Variants in CTNNA2 observed in about 807,000 individuals in gnomAD.
CTNNA2 encodes catenin alpha-2.
CTNNA2 carries 42 observed loss-of-function variants against 101.0 expected under a neutral mutation model. That is an observed-to-expected ratio of 0.42 (90% CI 0.32 to 0.54). The LOEUF is 0.54. Among genes scored for constraint, CTNNA2 ranks in the 20% least tolerant of loss-of-function variants. The pLI is 0.14. For synonymous variants in CTNNA2, 450 were observed against 456.4 expected (o/e 0.99, Z 0.18); for missense variants, 871 against 1,223.1 (o/e 0.71, Z 4.29).
intron 1 of CTNNA2, among the ~76,000 whole-genome samples, chr2:79,642,742 A>G (rs954162810): frequency 6.6e-6 from 1 of 150,558 alleles, no homozygotes; most frequent in African/African-American, 2.4e-5. Context: ...TTTACTCTCT[A>G]GGGCTATGTA....
chr2:79,696,647 G>T (rs907014995), intron 2 of CTNNA2, among the ~76,000 whole-genome samples: 2 of 151,932 alleles, frequency 1.3e-5, no homozygotes, highest in African/African-American at 2.4e-5. Flanking sequence ...TCCTTCTTCC[G>T]CAGTACTCCC....
At chr2:79,829,400 CACACACACACACACAGACACAA>C (rs1678704383) in intron 3 of CTNNA2, among the ~76,000 whole-genome samples, 1 of 145,564 alleles carries the variant, frequency 6.9e-6, no homozygotes, top group African/African-American at 2.7e-5. Flanking sequence ...CACACACACA[CACACACACACACACAGACACAA>C]AGCCGGGCGA....
intron 2 of CTNNA2, among the ~76,000 whole-genome samples, chr2:79,205,869 G>C (rs1437697483): frequency 6.6e-6 from 1 of 152,130 alleles, no homozygotes; most frequent in African/African-American, 2.4e-5. Context: ...ATGAAAACTG[G>C]TTCAGGGAGA....
chr2:79,381,445 T>C (rs1054762499), intron 4 of CTNNA2, among the ~76,000 whole-genome samples: 2 of 152,228 alleles, frequency 1.3e-5, no homozygotes, highest in African/African-American at 4.8e-5. Context: ...TATTTGCATC[T>C]TCATAGTTTT....
Position 80,118,965 on chromosome 2 carries a change from A to G in CTNNA2, c.1056+209168A>G, listed in dbSNP as rs74756864. Among the ~76,000 whole-genome samples the G allele has an allele frequency of 4.6e-3, 698 of 152,308 alleles. 3 individuals are homozygous for G. The highest frequency in any genetic ancestry group is 0.016 in the African/African-American group (645 of 41,578). ...ATTGTCTACTTCTCAGGGTATATCA[A>G]AGGTAAAAACTGAGTTAAATGTGGA... On this transcript the variant is annotated intron_variant, in intron 7 of 18. Transcript: ENST00000402739.
intron 2 of CTNNA2, among the ~76,000 whole-genome samples, chr2:79,725,390 A>C (rs1472963994): frequency 6.6e-6 from 1 of 152,202 alleles, no homozygotes; most frequent in Non-Finnish European, 1.5e-5. Flanking sequence ...TGTTCAAGAC[A>C]GTTGTGCAAA....
intron 7 of CTNNA2, among the ~76,000 whole-genome samples, chr2:80,143,470 A>T (rs999493741): frequency 6.6e-6 from 1 of 152,126 alleles, no homozygotes; most frequent in Non-Finnish European, 1.5e-5. Context: ...GCTATTTTGA[A>T]ACAGGCAGTA....
intron 12 of CTNNA2, among the ~76,000 whole-genome samples, chr2:80,556,533 G>A (rs1425059989): frequency 2.6e-5 from 4 of 152,120 alleles, no homozygotes; most frequent in African/African-American, 7.2e-5. Flanking sequence ...CACTGCTATG[G>A]TCAGGTATGG....
At chr2:79,623,633 T>C (rs1411655541) in intron 1 of CTNNA2, among the ~76,000 whole-genome samples, 3 of 152,186 alleles carry the variant, frequency 2.0e-5, no homozygotes, top group Non-Finnish European at 1.5e-5. Context: ...GGGAAAATTA[T>C]TCAAATTGTT....
chr2:79,868,166 G>C (rs1249662689), intron 4 of CTNNA2, among the ~76,000 whole-genome samples: 1 of 152,068 alleles, frequency 6.6e-6, no homozygotes, highest in Non-Finnish European at 1.5e-5. Context: ...AATTGGGAAT[G>C]ACTAACATTG....
Position 79,766,358 on chromosome 2 carries a change from C to A in CTNNA2, c.298+21776C>A, listed in dbSNP as rs562771014. On this transcript the variant is annotated intron_variant, in intron 3 of 18. Transcript: ENST00000402739. ...CTTTAAACATGCCATGCCAGTCTCT[C>A]CTGGCTTGTAAGGTTTCCACTGAAA... Among the ~76,000 whole-genome samples the A allele has an allele frequency of 5.9e-5, 9 of 152,328 alleles. No individual in the cohort carries two copies. The East Asian group carries it at 1.4e-3, about 23-fold the overall frequency.
At chr2:80,033,612 C>T (rs756278849) in intron 7 of CTNNA2, among the ~76,000 whole-genome samples, 3 of 152,018 alleles carry the variant, frequency 2.0e-5, no homozygotes, top group African/African-American at 7.3e-5. Context: ...TCACCAAATT[C>T]GTAGAATCAG....
rs138712455 is a variant in CTNNA2 at position 80,577,764 on chromosome 2, T to G, written c.1893+3450T>G. On this transcript the variant is annotated intron_variant, in intron 13 of 18. Coordinates refer to ENST00000402739, the MANE Select transcript of CTNNA2 (RefSeq NM_001282597.3). ...TAGTCTGCAGCCCATTCCAGTGGTG[T>G]TGAGCTCTGTTGGGAAATCCTACCT... Among the ~76,000 whole-genome samples, 177 of 134,006 alleles carry G rather than the reference T, an allele frequency of 1.3e-3. 1 individual carries two copies. The highest frequency in any genetic ancestry group is 4.7e-3 in the African/African-American group (155 of 33,150). The allele number at this position is 134,006 out of a possible 152,430, so 87.9% of individuals were successfully genotyped here.
intron 1 of CTNNA2, among the ~76,000 whole-genome samples, chr2:79,520,938 A>G (rs977615002): frequency 4.6e-5 from 7 of 151,726 alleles, no homozygotes; most frequent in Admixed American, 2.0e-4. Context: ...TACTCTTACC[A>G]TACGATCCAG....
intron 7 of CTNNA2, among the ~76,000 whole-genome samples, chr2:80,372,367 G>GTTT (rs59415087): frequency 7.2e-6 from 1 of 139,444 alleles, no homozygotes; most frequent in African/African-American, 2.6e-5. Context: ...TTTTAGAGAA[G>GTTT]TTTTTTTTTT....
At chr2:79,715,747 A>G (rs1331366529) in intron 2 of CTNNA2, among the ~76,000 whole-genome samples, 1 of 152,172 alleles carries the variant, frequency 6.6e-6, no homozygotes, top group Non-Finnish European at 1.5e-5. Context: ...TATATGTATA[A>G]ATATGGAGCC....
chr2:79,854,982 G>A (rs892391545), intron 3 of CTNNA2, among the ~76,000 whole-genome samples: 1 of 152,108 alleles, frequency 6.6e-6, no homozygotes, highest in Non-Finnish European at 1.5e-5. Flanking sequence ...AAGCTGCAGG[G>A]ACTAAGACCT....
chr2:79,867,366 CA>C (rs1407356149), intron 4 of CTNNA2, among the ~76,000 whole-genome samples: 2 of 152,098 alleles, frequency 1.3e-5, no homozygotes, highest in Non-Finnish European at 2.9e-5. Context: ...AATCATCCAT[CA>C]ATCATCTATC....
intron 7 of CTNNA2, among the ~76,000 whole-genome samples, chr2:80,318,928 A>G (rs1244463613): frequency 3.3e-5 from 5 of 152,186 alleles, no homozygotes; most frequent in Admixed American, 3.3e-4. Flanking sequence ...TATCAGAATG[A>G]TCCTAGAAGA....
Sources: allele counts gnomAD v4.1 joint callset (sites outside exome capture counted in the v4.1 genomes callset), GRCh38; gene constraint gnomAD v4.1.1; transcripts MANE v1.5; gene names NCBI Gene and HGNC (gene_info 2026-07-23, HGNC 2026-07-21).